Variants in DHX29 observed in about 807,000 individuals in gnomAD.
DHX29 encodes DExH-box helicase 29.
DHX29 carries 79 observed loss-of-function variants against 167.9 expected under a neutral mutation model. The observed-to-expected ratio is 0.47, with a 90% confidence interval of 0.39 to 0.57. The LOEUF (loss-of-function observed/expected upper bound fraction) is 0.57, where lower values mean the gene tolerates loss of function less well. DHX29 is among the 20% of genes least tolerant of loss of function. The pLI, the probability that DHX29 is intolerant of heterozygous loss-of-function variation, is 0.00. For missense variants in DHX29, 1,347 were observed against 1,593.4 expected, an observed-to-expected ratio of 0.85 and a Z score of 2.63; for synonymous variants, 530 against 546.0, an observed-to-expected ratio of 0.97 and a Z score of 0.41.
At chr5:55,288,978 G>C (rs1029515433) in intron 8 of DHX29, among the ~76,000 whole-genome samples, 20 of 152,194 alleles carry the variant, frequency 1.3e-4, no homozygotes, top group Non-Finnish European at 2.2e-4. Flanking sequence ...AGCCATTAAA[G>C]GTGGCAGGAA....
At chr5:55,299,035 T>C (rs1266151032) in intron 1 of DHX29, among the ~76,000 whole-genome samples, 1 of 58,854 alleles carries the variant, frequency 1.7e-5, no homozygotes, top group Non-Finnish European at 2.8e-5. Context: ...AGACTCCGTC[T>C]CAAAAAAAAA....
rs770981357 is a variant in DHX29, at chr5:55,267,701, T to C, written c.3416A>G (p.Tyr1139Cys). The change falls in exon 22 of 27, where the codon TAC becomes TGC. Residue 1139 changes from tyrosine to cysteine, a missense_variant. By Grantham distance (194) the Tyr-to-Cys change is radical (BLOSUM62 -2). Around this residue, in one of 3 missense-constraint regions of DHX29, gnomAD observed 882 missense variants for 1,082.4 expected, o/e 0.81. Coordinates refer to ENST00000251636, the MANE Select transcript of DHX29 (RefSeq NM_019030.4). ...ATGTTTTTACCCTAGATATGCATTG[T>C]AGATCGTCAGGTGGTCTGAATCCGC... ...AMADSDHLTI[Y>C]NAYLGWKKAR... The C allele has an allele frequency of 6.2e-7, 1 of 1,602,404 alleles. No individual in the cohort carries two copies. The highest frequency in any genetic ancestry group is 8.5e-7 in the Non-Finnish European group (1 of 1,174,472).
At chr5:55,298,048 T>C (rs766842384) in intron 2 of DHX29, among the ~76,000 whole-genome samples, 1 of 151,702 alleles carries the variant, frequency 6.6e-6, no homozygotes, top group South Asian at 2.1e-4. Flanking sequence ...AGAAAATATA[T>C]ATAAAGAGAC....
At position 55,283,187 on chromosome 5, in the gene DHX29, T is replaced by C. The variant is rs767494310; in HGVS notation, c.1965+16A>G. On this transcript the variant is annotated intron_variant, in intron 11 of 26. Transcript: ENST00000251636. ...GTCACCATCATTCACTGAGGTGGAG[T>C]TGAATGACAGCTTACCCTTCCTCCA... 5.1e-6 allele frequency: 8 copies of C among 1,557,758 alleles called. No individual in the cohort carries two copies. The highest frequency in any genetic ancestry group is 1.7e-4 in the Middle Eastern group (1 of 5,792).
intron 6 of DHX29, among the ~76,000 whole-genome samples, chr5:55,292,692 C>CA (rs1490529217): frequency 6.6e-6 from 1 of 152,128 alleles, no homozygotes; most frequent in African/African-American, 2.4e-5. Flanking sequence ...CTCATCTATA[C>CA]ATCTTATCTC....
At chr5:55,295,657 G>C in intron 4 of DHX29, 133 bp from the exon 5 acceptor site, 1 of 841,044 alleles carries the variant, frequency 1.2e-6, no homozygotes, top group Non-Finnish European at 1.8e-6. Context: ...CATCTCCTAA[G>C]AATAGAAATC....
At chr5:55,295,131 G>A (rs748951054) in intron 5 of DHX29, 41 of 346,390 alleles carry the variant, frequency 1.2e-4, no homozygotes, top group African/African-American at 1.9e-4. Context: ...TCCTGGAACC[G>A]AAGAAACACC....
At chr5:55,279,323 G>C (rs1747278470) in intron 12 of DHX29, among the ~76,000 whole-genome samples, 3 of 151,514 alleles carry the variant, frequency 2.0e-5, no homozygotes, top group Admixed American at 6.6e-5. Context: ...GATGAGAAGG[G>C]GCAAGTTATA....
chr5:55,277,050 A>C (rs950315751), intron 13 of DHX29, 56 bp downstream of exon 13: 11 of 1,342,130 alleles, frequency 8.2e-6, no homozygotes, highest in African/African-American at 5.9e-5. Flanking sequence ...CTTCTAGGGA[A>C]AGAACCTGGT....
chr5:55,268,571 T>G (rs1028198151), intron 21 of DHX29, among the ~76,000 whole-genome samples: 6 of 152,006 alleles, frequency 3.9e-5, no homozygotes, highest in Non-Finnish European at 7.4e-5. Flanking sequence ...TCTACAGGGG[T>G]GCACCACCAT....
Position 55,298,667 on chromosome 5 carries a change from G to A in DHX29, c.188-3C>T. 1 of 1,413,878 alleles carries A rather than the reference G, an allele frequency of 7.1e-7. No individual in the cohort carries two copies. The allele number at this position is 1,413,878 out of a possible 1,614,324, so 87.6% of individuals were successfully genotyped here. A position where few individuals can be genotyped will look rare whatever the true frequency, so the allele number is the denominator to read the frequency against. On this transcript the variant is annotated splice_region_variant and splice_polypyrimidine_tract_variant and intron_variant, in intron 1 of 26. Coordinates refer to ENST00000251636, the MANE Select transcript of DHX29 (RefSeq NM_019030.4). ...ATTAAAACTATAAATTTTTGGACCTGTAAATACAAATAGACAAGGCAATTT... is the reference window on the plus strand; with the variant it reads ...ATTAAAACTATAAATTTTTGGACCTATAAATACAAATAGACAAGGCAATTT...
In DHX29 at chr5:55,274,635, T is replaced by C. The variant is rs1338539248; in HGVS notation, c.2669A>G (p.Asp890Gly). ...TTACCGTTCAGAATAAAATCTTCTA[T>C]CATTTGATAGAAGATCATACAACTG... is the stretch of plus-strand genomic sequence containing the variant. ...IQQLYDLLSN[D>G]RRFYSERYKV... is the part of the protein sequence containing the mutation. Residue 890 changes from aspartate (D) to glycine (G), a missense_variant, in exon 16 of 27, where the codon GAT becomes GGT. Physicochemically the swap from Asp to Gly is moderately conservative, Grantham distance 94. Coordinates refer to ENST00000251636, the MANE Select transcript of DHX29 (RefSeq NM_019030.4). The C allele has an allele frequency of 1.9e-6, 3 of 1,598,508 alleles. No homozygotes were observed. The highest frequency in any genetic ancestry group is 3.5e-4 in the Middle Eastern group (2 of 5,706).
At chr5:55,307,311 G>A in intron 1 of DHX29, 76 bp downstream of exon 1, 1 of 1,292,032 alleles carries the variant, frequency 7.7e-7, no homozygotes, top group Non-Finnish European at 1.1e-6. Context: ...GCTCCTCCCG[G>A]GTTCTAAGGC....
chr5:55,275,158 A>G, intron 14 of DHX29, 148 bp from the exon 15 acceptor site: 1 of 877,174 alleles, frequency 1.1e-6, no homozygotes, highest in Non-Finnish European at 1.7e-6. Context: ...CAGGAAGCGT[A>G]TACTTTTTAA....
chr5:55,276,412 T>C lies in DHX29; in HGVS notation c.2287-6A>G, dbSNP rs753891802. 15 of 1,586,914 alleles carry C rather than the reference T, an allele frequency of 9.5e-6. No homozygotes were observed. Among genetic ancestry groups the C allele is most frequent in the Middle Eastern group, 1.7e-4 (1 of 6,010 alleles). On this transcript the variant is annotated splice_polypyrimidine_tract_variant and splice_region_variant and intron_variant, in intron 13 of 26. Transcript: ENST00000251636. ...ATATCTTCAAGATGAAAAACCTGCA[T>C]AGAATAAGGCATATAAATGGGTGAA...
intron 23 of DHX29, 100 bp downstream of exon 23, chr5:55,267,038 C>T: frequency 4.3e-6 from 3 of 695,318 alleles, no homozygotes; most frequent in South Asian, 2.2e-5. Flanking sequence ...TTTACTAAGC[C>T]CTTACTATGT....
At chr5:55,290,447 A>G (rs978119404) in intron 6 of DHX29, 103 bp from the exon 7 acceptor site, 1 of 1,329,744 alleles carries the variant, frequency 7.5e-7, no homozygotes, top group African/African-American at 1.5e-5. Context: ...TTTTTACCTT[A>G]TCCTTTGATC....
intron 12 of DHX29, among the ~76,000 whole-genome samples, chr5:55,281,047 CATGCTATATGTATAT>C (rs1747376606): frequency 2.0e-5 from 3 of 148,792 alleles, no homozygotes; most frequent in African/African-American, 7.6e-5. Context: ...CACACACACA[CATGCTATATGTATAT>C]ACACACACAC....
intron 12 of DHX29, among the ~76,000 whole-genome samples, chr5:55,278,860 G>A (rs1747253517): frequency 6.6e-6 from 1 of 152,158 alleles, no homozygotes; most frequent in Non-Finnish European, 1.5e-5. Flanking sequence ...CTTGAGCATG[G>A]GATGGGGAAT....
Sources: allele counts gnomAD v4.1 joint callset (sites outside exome capture counted in the v4.1 genomes callset), GRCh38; gene constraint gnomAD v4.1.1; regional missense constraint gnomAD v4.1.1; transcripts MANE v1.5; gene names NCBI Gene and HGNC (gene_info 2026-07-23, HGNC 2026-07-21).